LYNX1: variants seen among roughly 807,000 people sequenced by gnomAD.
The protein encoded by LYNX1 is Ly6/neurotoxin 1, also known as ly-6/neurotoxin-like protein 1.
Under a neutral mutation model 8.3 loss-of-function variants are expected in LYNX1, and 8 were observed. That is an observed-to-expected ratio of 0.97 (90% CI 0.57 to 1.74). The LOEUF is 1.74. Among genes scored for constraint, LYNX1 ranks in the 40% most tolerant of loss-of-function variants. LYNX1 has a pLI of 0.00. For synonymous variants in LYNX1, 73 were observed against 67.9 expected (o/e 1.08, Z -0.37); for missense variants, 158 against 159.7 (o/e 0.99, Z 0.06).
chr8:142,777,762 T>G, upstream of LYNX1: 1 of 397,832 alleles, frequency 2.5e-6, no homozygotes, highest in Non-Finnish European at 4.4e-6. Flanking sequence ...GACTCACGTG[T>G]TCAGCCCGGA....
In LYNX1 at chr8:142,775,000, G is replaced by C. The variant is rs897853057; in HGVS notation, c.*167C>G. 3 of 1,437,696 alleles carry C rather than the reference G, an allele frequency of 2.1e-6. No homozygotes were observed. The highest frequency in any genetic ancestry group is 5.5e-5 in the Admixed American group (2 of 36,084). 89.1% of individuals were successfully genotyped at this position (1,437,696 alleles called of 1,614,324 possible). On this transcript the variant is annotated 3_prime_UTR_variant, in exon 4 of 4. Transcript: ENST00000652477. ...AAGGTCAAGGCCTCGAAGTGAGGTC[G>C]TGTGGTGGTTGGGGGAGGTCGGGTG...
rs1815179134 is a variant in LYNX1 at position 142,771,588 on chromosome 8, G to GA, written c.*3578dup. The GA allele has an allele frequency of 2.0e-6, 2 of 985,570 alleles. No homozygotes were observed. Among genetic ancestry groups the GA allele is most frequent in the Admixed American group, 1.2e-4 (2 of 16,278 alleles). The allele number at this position is 985,570 out of a possible 1,614,324, so 61.1% of individuals were successfully genotyped here. A position where few individuals can be genotyped will look rare whatever the true frequency, so the allele number is the denominator to read the frequency against. On this transcript the variant is annotated 3_prime_UTR_variant, in exon 4 of 4. Transcript: ENST00000652477. ...GGAAGGAGATCCTGAGGGGCTGGCA[G>GA]ATTCAGGCCCTCCCTGCGAGCTGAG...
chr8:142,775,092 C>A lies in LYNX1; in HGVS notation c.*75G>T. The A allele has an allele frequency of 1.3e-6, 2 of 1,526,798 alleles. No individual in the cohort carries two copies. The highest frequency in any genetic ancestry group is 1.3e-5 in the South Asian group (1 of 79,358). 94.6% of individuals were successfully genotyped at this position (1,526,798 alleles called of 1,614,324 possible). Reference sequence around the variant, plus strand: ...GTCGCAGGGAGTGTGGAGGGTGAGGCAGGGTGAGCTGGGTGCGAGGGTGTA... The same window carrying A: ...GTCGCAGGGAGTGTGGAGGGTGAGGAAGGGTGAGCTGGGTGCGAGGGTGTA... On this transcript the variant is annotated 3_prime_UTR_variant, in exon 4 of 4. Coordinates refer to ENST00000652477, the MANE Select transcript of LYNX1 (RefSeq NM_177477.4).
upstream of LYNX1, chr8:142,777,838 A>G (rs1248165070): frequency 5.0e-6 from 2 of 398,490 alleles, no homozygotes; most frequent in African/African-American, 2.1e-5. Flanking sequence ...GCCTCCGCCC[A>G]CTCGCCCGCG....
intron 3 of LYNX1, 105 bp from the exon 4 acceptor site, chr8:142,775,468 G>A (rs1815373699): frequency 7.7e-6 from 12 of 1,567,120 alleles, no homozygotes; most frequent in Admixed American, 1.9e-5. Flanking sequence ...CCTCAGCCTG[G>A]AGCTCCCAGA....
At chr8:142,775,554 T>C in intron 3 of LYNX1, 39 bp downstream of exon 3, 1 of 1,562,436 alleles carries the variant, frequency 6.4e-7, no homozygotes, top group South Asian at 1.2e-5. Flanking sequence ...CTCCCCTTCG[T>C]GCTCCCCAGG....
Position 142,775,980 on chromosome 8 carries a change from T to C in LYNX1, c.-23A>G. Reference sequence around the variant, plus strand: ...CATGGCTGCAGGCAGGAGGGCAGCGTGGGAGTGGGGAGGTCAACAGCAGCT... The same window carrying C: ...CATGGCTGCAGGCAGGAGGGCAGCGCGGGAGTGGGGAGGTCAACAGCAGCT... On this transcript the variant is annotated 5_prime_UTR_variant, in exon 2 of 4. Coordinates refer to ENST00000652477, the MANE Select transcript of LYNX1 (RefSeq NM_177477.4). 6.2e-7 allele frequency: 1 copy of C among 1,613,456 alleles called. No individual in the cohort carries two copies. Among genetic ancestry groups the C allele is most frequent in the African/African-American group, 1.3e-5 (1 of 75,008 alleles).
Position 142,775,983 on chromosome 8 carries a change from G to C in LYNX1, c.-26C>G. On this transcript the variant is annotated 5_prime_UTR_variant, in exon 2 of 4. Transcript: ENST00000652477. ...GGCTGCAGGCAGGAGGGCAGCGTGG[G>C]AGTGGGGAGGTCAACAGCAGCTAGC... is the stretch of plus-strand genomic sequence containing the variant. 6.2e-7 allele frequency: 1 copy of C among 1,613,282 alleles called. No individual in the cohort carries two copies. Among genetic ancestry groups the C allele is most frequent in the Non-Finnish European group, 8.5e-7 (1 of 1,179,850 alleles).
At position 142,771,920 on chromosome 8, in the gene LYNX1, T is replaced by C. The variant is rs1039825045; in HGVS notation, c.*3247A>G. ...GGAGCCGGGTGTCCCCATGCTGACC[T>C]GGCCATGTCCCCAGGTCCCACCCCA... On this transcript the variant is annotated 3_prime_UTR_variant, in exon 4 of 4. Transcript: ENST00000652477. 1.0e-6 allele frequency: 1 copy of C among 985,946 alleles called. No individual in the cohort carries two copies. Among genetic ancestry groups the C allele is most frequent in the African/African-American group, 1.7e-5 (1 of 57,314 alleles). The allele number at this position is 985,946 out of a possible 1,614,324, so 61.1% of individuals were successfully genotyped here.
Position 142,774,839 on chromosome 8 carries a change from G to C in LYNX1, c.*328C>G. 1 of 1,205,680 alleles carries C rather than the reference G, an allele frequency of 8.3e-7. No homozygotes were observed. The highest frequency in any genetic ancestry group is 1.0e-6 in the Non-Finnish European group (1 of 965,870). The allele number at this position is 1,205,680 out of a possible 1,614,324, so 74.7% of individuals were successfully genotyped here. On this transcript the variant is annotated 3_prime_UTR_variant, in exon 4 of 4. Transcript: ENST00000652477. The stretch of plus-strand genomic sequence containing the variant: ...GGGCCTCTCCTAGGGCTTCCCAGAA[G>C]GTGGGCTTGGCCACAGCTCCCATCT...
chr8:142,775,593 A>G lies in LYNX1; in HGVS notation c.154T>C (p.Tyr52His). Residue 52 changes from tyrosine (Y) to histidine (H), a missense_variant and splice_region_variant, in exon 3 of 4, where the codon TAC becomes CAC. Coordinates refer to ENST00000652477, the MANE Select transcript of LYNX1 (RefSeq NM_177477.4). ...GGCCACGCAGGGCCCCCAGACTCAC[A>G]GGTGCGCGTGGTCATGCAGTAGGCA... ...MVAYCMTTRT[Y>H]YTPTRMKVSK... is the part of the protein sequence containing the mutation. 6.3e-7 allele frequency: 1 copy of G among 1,587,614 alleles called. No individual in the cohort carries two copies. The highest frequency in any genetic ancestry group is 8.6e-7 in the Non-Finnish European group (1 of 1,167,074).
At position 142,774,026 on chromosome 8, in the gene LYNX1, T is replaced by A. The variant is rs752262472; in HGVS notation, c.*1141A>T. 3.5e-4 allele frequency: 341 copies of A among 984,812 alleles called. No individual in the cohort carries two copies. The highest frequency in any genetic ancestry group is 3.9e-4 in the Non-Finnish European group (325 of 829,852). 61.0% of individuals were successfully genotyped at this position (984,812 alleles called of 1,614,324 possible). On this transcript the variant is annotated 3_prime_UTR_variant, in exon 4 of 4. Coordinates refer to ENST00000652477, the MANE Select transcript of LYNX1 (RefSeq NM_177477.4). ...AGGCCTGGGGTGGGGTCCCTGGGAG[T>A]CCACACACCCAGCTGGGGCTTCCAC...
Position 142,775,013 on chromosome 8 carries a change from G to A in LYNX1, c.*154C>T, listed in dbSNP as rs587766005. The A allele has an allele frequency of 6.3e-6, 9 of 1,439,908 alleles. No individual in the cohort carries two copies. Among genetic ancestry groups the A allele is most frequent in the African/African-American group, 1.4e-5 (1 of 70,058 alleles). 89.2% of individuals were successfully genotyped at this position (1,439,908 alleles called of 1,614,324 possible). On this transcript the variant is annotated 3_prime_UTR_variant, in exon 4 of 4. Coordinates refer to ENST00000652477, the MANE Select transcript of LYNX1 (RefSeq NM_177477.4). ...CGAAGTGAGGTCGTGTGGTGGTTGGGGGAGGTCGGGTGTCTTCTTGCCCAC... is the reference window on the plus strand; with the variant it reads ...CGAAGTGAGGTCGTGTGGTGGTTGGAGGAGGTCGGGTGTCTTCTTGCCCAC...
In LYNX1 at chr8:142,773,960, C is replaced by G. The variant is rs1391675719; in HGVS notation, c.*1207G>C. On this transcript the variant is annotated 3_prime_UTR_variant, in exon 4 of 4. Coordinates refer to ENST00000652477, the MANE Select transcript of LYNX1 (RefSeq NM_177477.4). ...CAGGTGCTCCCTGGGCTACCTGCATCGGGGATGGATTGGTGCGTGTTGGGC... is the reference window on the plus strand; with the variant it reads ...CAGGTGCTCCCTGGGCTACCTGCATGGGGGATGGATTGGTGCGTGTTGGGC... 3 of 985,372 alleles carry G rather than the reference C, an allele frequency of 3.0e-6. No individual in the cohort carries two copies. The South Asian group carries it at 1.4e-4, about 46-fold the overall frequency. 61.0% of individuals were successfully genotyped at this position (985,372 alleles called of 1,614,324 possible). A position where few individuals can be genotyped will look rare whatever the true frequency, so the allele number is the denominator to read the frequency against.
Position 142,771,942 on chromosome 8 carries a change from C to T in LYNX1, c.*3225G>A, listed in dbSNP as rs1336225815. On this transcript the variant is annotated 3_prime_UTR_variant, in exon 4 of 4. Transcript: ENST00000652477. ...ACCTGGCCATGTCCCCAGGTCCCAC[C>T]CCAGGGTCACTTCCTGTAGCTCCGA... 1.0e-6 allele frequency: 1 copy of T among 985,914 alleles called. No homozygotes were observed. The highest frequency in any genetic ancestry group is 6.2e-5 in the Admixed American group (1 of 16,260). The allele number at this position is 985,914 out of a possible 1,614,324, so 61.1% of individuals were successfully genotyped here.
In LYNX1 at chr8:142,775,254, G is replaced by A. The variant is rs373045729; in HGVS notation, c.264C>T (p.Tyr88=). The A allele has an allele frequency of 5.1e-5, 82 of 1,613,978 alleles. No homozygotes were observed. The East Asian group carries it at 7.8e-4, about 15-fold the overall frequency. Residue 88 remains tyrosine, a synonymous_variant, in exon 4 of 4, where the codon TAC becomes TAT. Coordinates refer to ENST00000652477, the MANE Select transcript of LYNX1 (RefSeq NM_177477.4). The part of the protein sequence containing the change: ...KHASTTSCCQ[Y]DLCNGTGLAT... ...CAAGGCCGGTGCCGTTGCAGAGGTC[G>A]TACTGGCAGCAGGAGGTGGTGGACG...
upstream of LYNX1, chr8:142,777,626 G>A (rs1274432448): frequency 2.5e-6 from 1 of 393,136 alleles, no homozygotes; most frequent in Non-Finnish European, 4.5e-6. Context: ...GTTCACCGCA[G>A]GCCTCGGCCC....
Position 142,772,235 on chromosome 8 carries a change from C to T in LYNX1, c.*2932G>A, listed in dbSNP as rs930118917. Reference sequence around the variant, plus strand: ...GGCAACAGCTAGCCCTGGGCATCTACCCCCATGAAGGGGACCCTCGGTTCT... The same window carrying T: ...GGCAACAGCTAGCCCTGGGCATCTATCCCCATGAAGGGGACCCTCGGTTCT... On this transcript the variant is annotated 3_prime_UTR_variant, in exon 4 of 4. Coordinates refer to ENST00000652477, the MANE Select transcript of LYNX1 (RefSeq NM_177477.4). The T allele has an allele frequency of 1.6e-5, 16 of 985,980 alleles. No individual in the cohort carries two copies. Among genetic ancestry groups the T allele is most frequent in the Middle Eastern group, 5.2e-4 (1 of 1,914 alleles). The allele number at this position is 985,980 out of a possible 1,614,324, so 61.1% of individuals were successfully genotyped here. A position where few individuals can be genotyped will look rare whatever the true frequency, so the allele number is the denominator to read the frequency against.
At position 142,775,178 on chromosome 8, in the gene LYNX1, C is replaced by G; in HGVS notation, c.340G>C (p.Gly114Arg). ...LAPILLATLW[G>R]LL ...CTGCCTCGGGGGCTTTAGAGGAGAC[C>G]CCAGAGGGTGGCCAGGAGGATGGGG... Residue 114 changes from glycine (G) to arginine (R), a missense_variant, in exon 4 of 4, where the codon GGT becomes CGT. Gly to Arg is a moderately radical substitution (Grantham distance 125, BLOSUM62 -2). Coordinates refer to ENST00000652477, the MANE Select transcript of LYNX1 (RefSeq NM_177477.4). 6.2e-7 allele frequency: 1 copy of G among 1,611,372 alleles called. No homozygotes were observed. The highest frequency in any genetic ancestry group is 8.5e-7 in the Non-Finnish European group (1 of 1,179,110).
Sources: gnomAD v4.1 joint callset for allele counts on GRCh38, gnomAD v4.1.1 for gene constraint, MANE v1.5 for transcripts, NCBI Gene and HGNC (gene_info 2026-07-23, HGNC 2026-07-21) for gene names.